The following UAP1 variants were observed in gnomAD, a reference collection of about 807,000 sequenced individuals.
UAP1 encodes UDP-N-acetylhexosamine pyrophosphorylase.
Under a neutral mutation model 58.5 loss-of-function variants are expected in UAP1, and 25 were observed. The observed-to-expected ratio is 0.43, with a 90% CI of 0.31 to 0.60. The LOEUF is 0.60. Among genes scored for constraint, UAP1 ranks in the 20% least tolerant of loss-of-function variants. The pLI, the probability that UAP1 is intolerant of heterozygous loss-of-function variation, is 0.11. For synonymous variants in UAP1, 208 were observed against 213.0 expected, an observed-to-expected ratio of 0.98 and a Z score of 0.21; for missense variants, 575 against 630.0, an observed-to-expected ratio of 0.91 and a Z score of 0.93.
chr1:162,587,156 G>A (rs1419829685), intron 5 of UAP1, among the ~76,000 whole-genome samples: 2 of 152,250 alleles, frequency 1.3e-5, no homozygotes, highest in East Asian at 3.9e-4. Flanking sequence ...CAAGATACAT[G>A]GGGGATGTTG....
At chr1:162,579,486 A>C (rs777211813) in exon 4 of UAP1, 1 of 1,611,524 alleles carries the variant, frequency 6.2e-7, no homozygotes, top group Non-Finnish European at 8.5e-7. Context: ...CACCAAGCAC[A>C]AGTACTTTGG....
intron 5 of UAP1, among the ~76,000 whole-genome samples, chr1:162,583,283 G>T (rs936051623): frequency 6.7e-6 from 1 of 150,296 alleles, no homozygotes; most frequent in Admixed American, 6.7e-5. Context: ...CTCCTGAGTA[G>T]CTGGGATTAT....
chr1:162,587,884 T>G (rs1359992696), intron 6 of UAP1: 1 of 461,624 alleles, frequency 2.2e-6, no homozygotes, highest in African/African-American at 1.9e-5. Context: ...AGCGCATTAA[T>G]GGGAGGCCAA....
At chr1:162,599,144 T>C in intron 10 of UAP1, 127 bp from the exon 11 acceptor site, 2 of 554,030 alleles carry the variant, frequency 3.6e-6, no homozygotes, top group Non-Finnish European at 6.4e-6. Context: ...TAAATAGATT[T>C]TGACTTTTAT....
intron 8 of UAP1, among the ~76,000 whole-genome samples, chr1:162,591,720 A>G (rs1343817290): frequency 6.6e-6 from 1 of 151,788 alleles, no homozygotes; most frequent in Non-Finnish European, 1.5e-5. Flanking sequence ...TCCTGACCTC[A>G]GGTGATCCGC....
intron 5 of UAP1, among the ~76,000 whole-genome samples, chr1:162,585,703 G>A (rs1654866406): frequency 6.6e-6 from 1 of 151,986 alleles, no homozygotes; most frequent in South Asian, 2.1e-4. Flanking sequence ...AATGTAAAAT[G>A]TGAATATGTA....
intron 9 of UAP1, among the ~76,000 whole-genome samples, chr1:162,596,200 G>C (rs1655609392): frequency 6.6e-6 from 1 of 151,408 alleles, no homozygotes; most frequent in South Asian, 2.1e-4. Context: ...TTTCGAGACA[G>C]AGTCTCGCTC....
exon 10 of UAP1, chr1:162,597,858 A>G (rs1223629651): frequency 6.2e-7 from 1 of 1,609,410 alleles, no homozygotes; most frequent in African/African-American, 1.3e-5. Context: ...ATGCTGGAGA[A>G]GTAAGTCTGC....
intron 2 of UAP1, among the ~76,000 whole-genome samples, chr1:162,566,650 A>T (rs1452885314): frequency 6.6e-6 from 1 of 151,366 alleles, no homozygotes; most frequent in Non-Finnish European, 1.5e-5. Context: ...TTTTTAAGAC[A>T]GAGTCTCACT....
chr1:162,592,732 C>G, exon 9 of UAP1: 1 of 1,547,820 alleles, frequency 6.5e-7, no homozygotes, highest in Non-Finnish European at 8.7e-7. Flanking sequence ...TCCCACATAG[C>G]AGTGCTACAA....
chr1:162,576,270 C>T (rs1004503098), intron 2 of UAP1, among the ~76,000 whole-genome samples: 3 of 152,178 alleles, frequency 2.0e-5, no homozygotes, highest in Admixed American at 1.3e-4. Context: ...TCATTCATCC[C>T]GAAACTTTGG....
intron 3 of UAP1, among the ~76,000 whole-genome samples, chr1:162,578,115 T>C (rs1654324101): frequency 6.6e-6 from 1 of 152,134 alleles, no homozygotes; most frequent in Non-Finnish European, 1.5e-5. Context: ...TTAGTCTCTT[T>C]CCCCGAGCAG....
intron 9 of UAP1, 85 bp from the exon 10 acceptor site, chr1:162,597,707 C>G: frequency 9.2e-7 from 1 of 1,087,146 alleles, no homozygotes; most frequent in South Asian, 1.4e-5. Flanking sequence ...GCAAGCTTCT[C>G]AGAGGAAAGT....
intron 8 of UAP1, among the ~76,000 whole-genome samples, chr1:162,592,062 C>T (rs1461382085): frequency 6.6e-6 from 1 of 152,118 alleles, no homozygotes; most frequent in Non-Finnish European, 1.5e-5. Flanking sequence ...ATTTATATTC[C>T]TAACGGATAA....
rs1655384001 is a variant in UAP1, at chr1:162,592,638, C to T, written c.1359-94C>T. 5 of 928,270 alleles carry T rather than the reference C, an allele frequency of 5.4e-6. No homozygotes were observed. The South Asian group carries it at 5.7e-5, about 11-fold the overall frequency. The allele number at this position is 928,270 out of a possible 1,614,324, so 57.5% of individuals were successfully genotyped here. On this transcript the variant is annotated intron_variant, in intron 8 of 10. Coordinates refer to ENST00000271469, the Ensembl canonical transcript of UAP1. ...ACGAATTTATGATTTACCATAAATA[C>T]ATACCATTCAATCAAGTATATTTTG... is the stretch of plus-strand genomic sequence containing the variant.
chr1:162,586,062 G>A (rs984704728), intron 5 of UAP1, among the ~76,000 whole-genome samples: 1 of 152,144 alleles, frequency 6.6e-6, no homozygotes, highest in Non-Finnish European at 1.5e-5. Flanking sequence ...CAGCAGTCCT[G>A]CCTCACTGAG....
Position 162,577,001 on chromosome 1 carries a change from T to C in UAP1, c.485+20T>C, listed in dbSNP as rs1443458319. 5.6e-6 allele frequency: 9 copies of C among 1,607,766 alleles called. No individual in the cohort carries two copies. The highest frequency in any genetic ancestry group is 7.7e-6 in the Non-Finnish European group (9 of 1,174,280). On this transcript the variant is annotated intron_variant, in intron 3 of 10. Transcript: ENST00000271469. ...TCCATGGTAAGATACGTCTCATTAT[T>C]GGAGTGTGTCTGAACATATATTGTT...
exon 6 of UAP1, chr1:162,587,656 G>C (rs982642688): frequency 3.1e-6 from 5 of 1,612,646 alleles, no homozygotes; most frequent in Non-Finnish European, 4.2e-6. Context: ...CCATTTCTGA[G>C]AGATGTTGTC....
At chr1:162,570,943 C>G (rs1422280019) in intron 2 of UAP1, among the ~76,000 whole-genome samples, 2 of 152,120 alleles carry the variant, frequency 1.3e-5, no homozygotes, top group Non-Finnish European at 2.9e-5. Context: ...ATCCAGGAAG[C>G]ATTTGACCTC....
Sources: allele counts gnomAD v4.1 joint callset (sites outside exome capture counted in the v4.1 genomes callset), GRCh38; gene constraint gnomAD v4.1.1; transcripts MANE v1.5; gene names NCBI Gene and HGNC (gene_info 2026-07-23, HGNC 2026-07-21).